LRGUK: variants seen among roughly 807,000 people sequenced by gnomAD.
LRGUK encodes leucine-rich repeat and guanylate kinase domain-containing protein.
In LRGUK, 65 loss-of-function variants were observed where a neutral mutation model predicts 76.0. The observed-to-expected ratio is 0.85, with a 90% CI of 0.70 to 1.05. The LOEUF is 1.05. LRGUK is among the 50% of genes least tolerant of loss of function. LRGUK has a pLI of 0.00. For missense variants in LRGUK, 758 were observed against 732.8 expected (o/e 1.03, Z -0.40); for synonymous variants, 268 against 265.6 (o/e 1.01, Z -0.09).
intron 5 of LRGUK, among the ~76,000 whole-genome samples, chr7:134,149,984 G>A (rs982818083): frequency 6.6e-6 from 1 of 152,124 alleles, no homozygotes; most frequent in East Asian, 1.9e-4. Context: ...AAGAAACACT[G>A]GTTGGTCTAG....
intron 16 of LRGUK, among the ~76,000 whole-genome samples, chr7:134,243,448 G>A (rs372322740): frequency 5.0e-4 from 76 of 151,978 alleles, no homozygotes; most frequent in African/African-American, 1.1e-3. Flanking sequence ...ACTCCCATTC[G>A]CAATTGCTTC....
chr7:134,131,579 G>T lies in LRGUK; in HGVS notation c.297+3915G>T, dbSNP rs921416082. 2.0e-5 allele frequency among the ~76,000 whole-genome samples: 3 copies of T among 152,160 alleles called. 1 individual carries two copies. The South Asian group carries it at 6.2e-4, about 32-fold the overall frequency. ...GAACAGAAGAAGCCTCCTAGGTAGG[G>T]ATGAGATTGTAGAGGGCACTGTGAT... On this transcript the variant is annotated intron_variant, in intron 1 of 15. Coordinates refer to ENST00000645682, the Ensembl canonical transcript of LRGUK.
chr7:134,188,510 C>T (rs79457474), intron 11 of LRGUK, among the ~76,000 whole-genome samples: 11 of 152,066 alleles, frequency 7.2e-5, no homozygotes, highest in African/African-American at 2.2e-4. Context: ...AATGTAGTGA[C>T]GGGTGATGAT....
chr7:134,135,724 T>C (rs544502780), intron 1 of LRGUK, among the ~76,000 whole-genome samples: 2 of 152,306 alleles, frequency 1.3e-5, no homozygotes, highest in African/African-American at 2.4e-5. Context: ...GGCACAATCT[T>C]GGCTCACTGC....
At chr7:134,207,498 C>G (rs1585556492) in intron 15 of LRGUK, among the ~76,000 whole-genome samples, 1 of 152,340 alleles carries the variant, frequency 6.6e-6, no homozygotes, top group African/African-American at 2.4e-5. Context: ...CCCTCAGAAA[C>G]TGCACCAAGA....
rs766109453 is a variant in LRGUK at position 134,136,999 on chromosome 7, T to C, written c.298-24T>C. 5 of 1,526,724 alleles carry C rather than the reference T, an allele frequency of 3.3e-6. No individual in the cohort carries two copies. In the South Asian group the frequency reaches 5.7e-5, roughly 17 times the overall value. The allele number at this position is 1,526,724 out of a possible 1,614,324, so 94.6% of individuals were successfully genotyped here. A position where few individuals can be genotyped will look rare whatever the true frequency, so the allele number is the denominator to read the frequency against. On this transcript the variant is annotated intron_variant, in intron 1 of 15. Transcript: ENST00000645682. ...TTTTCTAATGAGAATCTTTTCTTTGTCTACCTTTCTGGGTTTTTTACAGGA... is the reference window on the plus strand; with the variant it reads ...TTTTCTAATGAGAATCTTTTCTTTGCCTACCTTTCTGGGTTTTTTACAGGA...
At chr7:134,266,885 C>T (rs1802866146), downstream of LRGUK, among the ~76,000 whole-genome samples, 1 of 152,014 alleles carries the variant, frequency 6.6e-6, no homozygotes, top group African/African-American at 2.4e-5. Context: ...AACACAAAAT[C>T]TTAAAGCAAT....
intron 8 of LRGUK, among the ~76,000 whole-genome samples, chr7:134,174,848 A>C (rs1051511443): frequency 6.6e-5 from 10 of 152,202 alleles, no homozygotes; most frequent in African/African-American, 1.9e-4. Context: ...CTCATGACTA[A>C]CAAGCTGTCA....
At chr7:134,259,136 TG>T (rs959954430) in intron 19 of LRGUK, among the ~76,000 whole-genome samples, 17 of 152,300 alleles carry the variant, frequency 1.1e-4, no homozygotes, top group African/African-American at 3.6e-4. Flanking sequence ...TTGAAGGATC[TG>T]GCCCAGCCCC....
chr7:134,215,673 C>G (rs190630531), intron 15 of LRGUK, among the ~76,000 whole-genome samples: 1 of 152,122 alleles, frequency 6.6e-6, no homozygotes, highest in East Asian at 1.9e-4. Flanking sequence ...ATGACAAGCC[C>G]GAAAATCATC....
At chr7:134,245,620 G>T (rs934433541) in intron 16 of LRGUK, among the ~76,000 whole-genome samples, 2 of 152,060 alleles carry the variant, frequency 1.3e-5, no homozygotes, top group African/African-American at 2.4e-5. Flanking sequence ...AATTCTAGAA[G>T]ATCCAAAAAG....
chr7:134,221,110 G>C (rs1351857826), intron 15 of LRGUK, among the ~76,000 whole-genome samples: 1 of 152,056 alleles, frequency 6.6e-6, no homozygotes, highest in Non-Finnish European at 1.5e-5. Flanking sequence ...CTTTGGGTGG[G>C]GGTAGCTTTC....
intron 16 of LRGUK, among the ~76,000 whole-genome samples, chr7:134,230,202 T>A (rs1801858754): frequency 6.6e-6 from 1 of 152,134 alleles, no homozygotes; most frequent in Non-Finnish European, 1.5e-5. Flanking sequence ...AGGTAACCCA[T>A]AGGAAAATCC....
chr7:134,227,434 C>T (rs150324720), intron 16 of LRGUK, among the ~76,000 whole-genome samples: 1 of 152,050 alleles, frequency 6.6e-6, no homozygotes, highest in African/African-American at 2.4e-5. Context: ...AGGTCCATGG[C>T]AGAAAAAATA....
At chr7:134,170,280 G>A (rs1371268477) in intron 7 of LRGUK, among the ~76,000 whole-genome samples, 1 of 151,764 alleles carries the variant, frequency 6.6e-6, no homozygotes, top group Non-Finnish European at 1.5e-5. Flanking sequence ...ATTTTTCTTT[G>A]TGTCTCCCTT....
chr7:134,161,407 A>C (rs1041185826), intron 6 of LRGUK, among the ~76,000 whole-genome samples: 1 of 152,018 alleles, frequency 6.6e-6, no homozygotes, highest in African/African-American at 2.4e-5. Context: ...CAAATGGATT[A>C]TGGGTATTTT....
chr7:134,249,942 T>C (rs575096721), intron 18 of LRGUK, among the ~76,000 whole-genome samples: 2 of 152,334 alleles, frequency 1.3e-5, no homozygotes, highest in South Asian at 4.1e-4. Context: ...TAGAGATCTC[T>C]AACCAGGGCC....
intron 7 of LRGUK, among the ~76,000 whole-genome samples, chr7:134,167,190 G>A (rs892985): frequency 0.12 from 18,416 of 152,174 alleles, 1,418 homozygotes; most frequent in East Asian, 0.32. Flanking sequence ...TACACCCAAA[G>A]GTGATGCCCA....
chr7:134,247,412 A>G, intron 16 of LRGUK, 144 bp from the exon 17 acceptor site: 1 of 520,520 alleles, frequency 1.9e-6, no homozygotes, highest in Non-Finnish European at 3.4e-6. Context: ...TCCTGAGTGA[A>G]TATCAATTGT....
Sources: allele counts gnomAD v4.1 joint callset (sites outside exome capture counted in the v4.1 genomes callset), GRCh38; gene constraint gnomAD v4.1.1; transcripts MANE v1.5; gene names NCBI Gene and HGNC (gene_info 2026-07-23, HGNC 2026-07-21).